Variants in CNTNAP2 observed in about 807,000 individuals in gnomAD.
CNTNAP2 encodes the protein contactin associated protein 2.
CNTNAP2 carries 98 observed loss-of-function variants against 155.2 expected under a neutral mutation model. The ratio of observed to expected loss-of-function variants is 0.63; its 90% CI spans 0.54 to 0.75. The LOEUF is 0.75. CNTNAP2 is among the 30% of genes least tolerant of loss of function. The pLI, the probability that CNTNAP2 is intolerant of heterozygous loss-of-function variation, is 0.00. For missense variants in CNTNAP2, 1,727 were observed against 1,688.1 expected, an observed-to-expected ratio of 1.02 and a Z score of -0.40; for synonymous variants, 651 against 631.2, an observed-to-expected ratio of 1.03 and a Z score of -0.47.
intron 16 of CNTNAP2, among the ~76,000 whole-genome samples, chr7:148,129,369 A>G (rs1056269624): frequency 1.3e-4 from 20 of 152,260 alleles, no homozygotes; most frequent in Middle Eastern, 3.4e-3. Context: ...AGTAATCCAC[A>G]TCGATTACTG....
In CNTNAP2 at chr7:146,124,011, C is replaced by G. The variant is rs922356601; in HGVS notation, c.97+7038C>G. On this transcript the variant is annotated intron_variant, in intron 1 of 23. Coordinates refer to ENST00000361727, the MANE Select transcript of CNTNAP2 (RefSeq NM_014141.6). Reference sequence around the variant, plus strand: ...ACTAACACAGGAACACAAAACCAAACGTTGCATGTTCTCACTCATAAGTGG... The same window carrying G: ...ACTAACACAGGAACACAAAACCAAAGGTTGCATGTTCTCACTCATAAGTGG... 2.0e-5 allele frequency among the ~76,000 whole-genome samples: 3 copies of G among 152,098 alleles called. No homozygotes were observed. The East Asian group carries it at 5.8e-4, about 29-fold the overall frequency.
chr7:146,767,156 T>C (rs1373562057), intron 1 of CNTNAP2, among the ~76,000 whole-genome samples: 1 of 152,162 alleles, frequency 6.6e-6, no homozygotes. Flanking sequence ...ATTTGTAGAC[T>C]CTATGAGAAA....
At chr7:147,693,093 C>A (rs1373931293) in intron 13 of CNTNAP2, among the ~76,000 whole-genome samples, 1 of 151,970 alleles carries the variant, frequency 6.6e-6, no homozygotes, top group East Asian at 1.9e-4. Context: ...GTTGTTCCAG[C>A]CTCCTTTGTT....
chr7:147,378,012 C>T, intron 9 of CNTNAP2: 1 of 467,804 alleles, frequency 2.1e-6, no homozygotes, highest in Non-Finnish European at 4.4e-6. Flanking sequence ...TCCCTTTTCT[C>T]TCCTCTGAAA....
chr7:146,910,780 G>C (rs998874311), intron 3 of CNTNAP2, among the ~76,000 whole-genome samples: 3 of 148,452 alleles, frequency 2.0e-5, no homozygotes, highest in East Asian at 3.9e-4. Context: ...AAAAGCAATG[G>C]CAACAAAAGC....
intron 15 of CNTNAP2, among the ~76,000 whole-genome samples, chr7:148,018,581 T>A (rs888575365): frequency 2.0e-5 from 3 of 152,210 alleles, no homozygotes; most frequent in African/African-American, 7.2e-5. Context: ...AAGTTATGGA[T>A]GAAACTACAG....
chr7:148,151,105 G>A lies in CNTNAP2; in HGVS notation c.2773+3396G>A, dbSNP rs142575409. ...GCCAAGTGGTCAGTCTTCTCACAATGGTGTGTGGTTAACAATATGGTCTTT... is the reference window on the plus strand; with the variant it reads ...GCCAAGTGGTCAGTCTTCTCACAATAGTGTGTGGTTAACAATATGGTCTTT... On this transcript the variant is annotated intron_variant, in intron 17 of 23. Transcript: ENST00000361727. Among the ~76,000 whole-genome samples, 5 of 152,202 alleles carry A rather than the reference G, an allele frequency of 3.3e-5. No homozygotes were observed. In the East Asian group the frequency reaches 9.7e-4, roughly 29 times the overall value.
chr7:146,284,329 C>T (rs1800295022), intron 1 of CNTNAP2, among the ~76,000 whole-genome samples: 1 of 151,874 alleles, frequency 6.6e-6, no homozygotes, highest in Non-Finnish European at 1.5e-5. Flanking sequence ...ACACCAAAAA[C>T]AATTTATAGA....
intron 13 of CNTNAP2, among the ~76,000 whole-genome samples, chr7:147,889,977 A>G (rs1799662948): frequency 6.6e-6 from 1 of 152,224 alleles, no homozygotes; most frequent in Admixed American, 6.5e-5. Context: ...GGTTATTGGT[A>G]TCATAAATCC....
chr7:148,116,526 A>G (rs1255025792), intron 15 of CNTNAP2, among the ~76,000 whole-genome samples: 1 of 152,192 alleles, frequency 6.6e-6, no homozygotes, highest in Non-Finnish European at 1.5e-5. Flanking sequence ...TGCCCAATTC[A>G]CGAATCACTG....
At chr7:148,045,725 A>G (rs1413016897) in intron 15 of CNTNAP2, among the ~76,000 whole-genome samples, 1 of 152,212 alleles carries the variant, frequency 6.6e-6, no homozygotes. Context: ...AATAGACACT[A>G]CAGGGACTGC....
rs146869343 is a variant in CNTNAP2, at chr7:146,259,697, T to C, written c.97+142724T>C. ...GGCTGAGTCTGAAAGCATTCAGTCA[T>C]ATGCATTCACAAAGAGATTACCTAA... On this transcript the variant is annotated intron_variant, in intron 1 of 23. Coordinates refer to ENST00000361727, the MANE Select transcript of CNTNAP2 (RefSeq NM_014141.6). Among the ~76,000 whole-genome samples the C allele has an allele frequency of 3.3e-3, 500 of 152,294 alleles. 2 individuals are homozygous for C. Among genetic ancestry groups the C allele is most frequent in the South Asian group, 0.01 (49 of 4,830 alleles).
chr7:147,370,612 C>T (rs1050658193), intron 9 of CNTNAP2, among the ~76,000 whole-genome samples: 7 of 152,124 alleles, frequency 4.6e-5, no homozygotes, highest in Admixed American at 6.6e-5. Context: ...ACCACTGAAT[C>T]TTTCCTTTTC....
intron 1 of CNTNAP2, among the ~76,000 whole-genome samples, chr7:146,499,286 G>A (rs1251216434): frequency 3.3e-5 from 5 of 152,130 alleles, no homozygotes; most frequent in East Asian, 1.9e-4. Flanking sequence ...GGGTTCAAGC[G>A]ATTCTCCTGC....
intron 13 of CNTNAP2, among the ~76,000 whole-genome samples, chr7:147,755,390 C>T (rs913610965): frequency 2.0e-5 from 3 of 152,240 alleles, no homozygotes; most frequent in African/African-American, 7.2e-5. Flanking sequence ...CGCAGTGGCT[C>T]ATGCCTGTAA....
intron 8 of CNTNAP2, among the ~76,000 whole-genome samples, chr7:147,229,392 G>A (rs1217792537): frequency 6.6e-6 from 1 of 152,170 alleles, no homozygotes; most frequent in Non-Finnish European, 1.5e-5. Context: ...GAGCAGATGG[G>A]TGGTCCACTT....
intron 11 of CNTNAP2, among the ~76,000 whole-genome samples, chr7:147,493,118 C>T (rs1009899647): frequency 1.3e-5 from 2 of 152,058 alleles, no homozygotes; most frequent in Non-Finnish European, 1.5e-5. Context: ...TCTACTGATC[C>T]GTATACTCTT....
chr7:146,434,906 G>A (rs1796220965), intron 1 of CNTNAP2, among the ~76,000 whole-genome samples: 1 of 152,108 alleles, frequency 6.6e-6, no homozygotes, highest in African/African-American at 2.4e-5. Flanking sequence ...ACTCATTCAG[G>A]GCCGCTCTGC....
chr7:146,645,351 A>G (rs1799792955), intron 1 of CNTNAP2, among the ~76,000 whole-genome samples: 2 of 152,224 alleles, frequency 1.3e-5, no homozygotes, highest in Non-Finnish European at 2.9e-5. Flanking sequence ...GGCTGGAGGG[A>G]ACTTAAATAA....
Sources: allele counts gnomAD v4.1 joint callset (sites outside exome capture counted in the v4.1 genomes callset), GRCh38; gene constraint gnomAD v4.1.1; transcripts MANE v1.5; gene names NCBI Gene and HGNC (gene_info 2026-07-23, HGNC 2026-07-21).